The following LRFN2 variants were observed in gnomAD, a reference collection of about 807,000 sequenced individuals.
LRFN2 encodes leucine rich repeat and fibronectin type III domain containing 2.
A neutral mutation model predicts 37.3 loss-of-function variants in LRFN2; 18 were observed. That is an observed-to-expected ratio of 0.48 (90% CI 0.33 to 0.72). LRFN2 has a LOEUF of 0.72. LRFN2 is among the 30% of genes least tolerant of loss of function. The probability of loss-of-function intolerance (pLI) is 0.02; values close to 1 mark genes in which losing one functional copy is unlikely to be tolerated. For synonymous variants in LRFN2, 556 were observed against 466.6 expected, an observed-to-expected ratio of 1.19 and a Z score of -2.47; for missense variants, 1,006 against 1,060.7, an observed-to-expected ratio of 0.95 and a Z score of 0.72.
intron 1 of LRFN2, among the ~76,000 whole-genome samples, chr6:40,490,326 C>T (rs1441811055): frequency 6.6e-6 from 1 of 152,188 alleles, no homozygotes; most frequent in East Asian, 1.9e-4. Context: ...CGTGTCCATG[C>T]CTCAGGCCAC....
At chr6:40,429,782 C>T (rs1045046113) in intron 2 of LRFN2, among the ~76,000 whole-genome samples, 2 of 151,998 alleles carry the variant, frequency 1.3e-5, no homozygotes, top group Non-Finnish European at 2.9e-5. Flanking sequence ...AATGAGAAAC[C>T]ACCTGAATGT....
intron 1 of LRFN2, among the ~76,000 whole-genome samples, chr6:40,582,313 A>G (rs1460237985): frequency 2.0e-5 from 3 of 151,590 alleles, no homozygotes; most frequent in African/African-American, 7.3e-5. Context: ...AATATAGGAC[A>G]TGCCAATAAT....
chr6:40,524,465 G>T (rs554923439), intron 1 of LRFN2, among the ~76,000 whole-genome samples: 39 of 141,788 alleles, frequency 2.8e-4, no homozygotes, highest in Non-Finnish European at 4.7e-4. Context: ...ACACACCCCT[G>T]CAGCCCTCAT....
Position 40,432,512 on chromosome 6 carries a change from C to G in LRFN2, c.602G>C (p.Arg201Pro), listed in dbSNP as rs556509108. 1 of 1,614,196 alleles carries G rather than the reference C, an allele frequency of 6.2e-7. No individual in the cohort carries two copies. The highest frequency in any genetic ancestry group is 8.5e-7 in the Non-Finnish European group (1 of 1,180,034). The change falls in exon 2 of 3, where the codon CGC becomes CCC. Residue 201 changes from arginine (R) to proline (P), a missense_variant. Transcript: ENST00000338305. ...CAGCCGATTGGAGGTGAGATCCAGG[C>G]GGGCCAGTTTCTGCAGGTCTGCAAA... Reference protein sequence around the residue: ...GTFADLQKLARLDLTSNRLQK... With the variant: ...GTFADLQKLAPLDLTSNRLQK...
intron 1 of LRFN2, among the ~76,000 whole-genome samples, chr6:40,541,221 G>T (rs1165186624): frequency 1.3e-5 from 2 of 152,180 alleles, no homozygotes; most frequent in African/African-American, 4.8e-5. Context: ...GTTCTGTCCA[G>T]CCTGAACTCT....
At chr6:40,569,885 G>A (rs1767157288) in intron 1 of LRFN2, among the ~76,000 whole-genome samples, 1 of 151,894 alleles carries the variant, frequency 6.6e-6, no homozygotes, top group Admixed American at 6.6e-5. Context: ...GCCGTCTCAG[G>A]TCCGGCCCTG....
At chr6:40,394,727 G>T (rs1762578587) in intron 2 of LRFN2, among the ~76,000 whole-genome samples, 1 of 152,090 alleles carries the variant, frequency 6.6e-6, no homozygotes, top group Admixed American at 6.5e-5. Flanking sequence ...GTTGTGGGAG[G>T]GACCTGGTGG....
chr6:40,485,134 G>C (rs1015572943), intron 1 of LRFN2, among the ~76,000 whole-genome samples: 1 of 152,144 alleles, frequency 6.6e-6, no homozygotes, highest in African/African-American at 2.4e-5. Context: ...TGTTTTTCAG[G>C]GAGGTCATGT....
intron 1 of LRFN2, among the ~76,000 whole-genome samples, chr6:40,490,038 C>T (rs1028858245): frequency 6.6e-6 from 1 of 152,128 alleles, no homozygotes; most frequent in African/African-American, 2.4e-5. Context: ...GCCTGGAGCC[C>T]GGAGCCCAGC....
chr6:40,547,790 A>G (rs1190508010), intron 1 of LRFN2, among the ~76,000 whole-genome samples: 2 of 152,092 alleles, frequency 1.3e-5, no homozygotes, highest in Non-Finnish European at 2.9e-5. Flanking sequence ...TACTGCTCAC[A>G]TATTCTCTGG....
intron 1 of LRFN2, among the ~76,000 whole-genome samples, chr6:40,484,247 C>A (rs1055299217): frequency 3.9e-5 from 6 of 152,166 alleles, no homozygotes; most frequent in Non-Finnish European, 8.8e-5. Context: ...GAGTGTGGTG[C>A]CGATCCAGGA....
At chr6:40,518,467 G>A (rs1315760796) in intron 1 of LRFN2, among the ~76,000 whole-genome samples, 1 of 152,160 alleles carries the variant, frequency 6.6e-6, no homozygotes, top group East Asian at 1.9e-4. Context: ...AGGTCTGGTT[G>A]CAGACCTGCA....
intron 1 of LRFN2, among the ~76,000 whole-genome samples, chr6:40,479,220 A>G (rs1764771812): frequency 6.6e-6 from 1 of 152,190 alleles, no homozygotes; most frequent in Admixed American, 6.5e-5. Flanking sequence ...TATCACCATC[A>G]TCTTCATCAC....
chr6:40,480,838 G>A (rs564224042), intron 1 of LRFN2, among the ~76,000 whole-genome samples: 12 of 152,284 alleles, frequency 7.9e-5, no homozygotes, highest in South Asian at 6.2e-4. Flanking sequence ...TTAAATGGTA[G>A]CTATTATTTG....
chr6:40,514,984 C>A (rs1765821136), intron 1 of LRFN2, among the ~76,000 whole-genome samples: 2 of 152,250 alleles, frequency 1.3e-5, no homozygotes, highest in Non-Finnish European at 2.9e-5. Flanking sequence ...ACCTGGGCAG[C>A]TCCCAGACTG....
At chr6:40,488,226 G>A (rs1341541865) in intron 1 of LRFN2, among the ~76,000 whole-genome samples, 1 of 152,092 alleles carries the variant, frequency 6.6e-6, no homozygotes, top group Non-Finnish European at 1.5e-5. Context: ...TTTACACCAG[G>A]GAATGGGTGG....
intron 1 of LRFN2, among the ~76,000 whole-genome samples, chr6:40,505,073 C>T (rs1194795904): frequency 2.0e-5 from 3 of 152,176 alleles, no homozygotes; most frequent in Admixed American, 6.5e-5. Context: ...GACAGTTGCC[C>T]GTGGCCTCGG....
At chr6:40,522,072 T>C (rs557838842) in intron 1 of LRFN2, among the ~76,000 whole-genome samples, 39 of 152,246 alleles carry the variant, frequency 2.6e-4, no homozygotes, top group African/African-American at 8.9e-4. Context: ...GGATGGGTCC[T>C]CACAGAGCCA....
At chr6:40,501,751 C>T (rs1325189266) in intron 1 of LRFN2, 1 of 152,148 alleles carries the variant, frequency 6.6e-6, no homozygotes, top group Non-Finnish European at 1.5e-5. Flanking sequence ...AATACACTGG[C>T]TTGGATGTCT....
Sources: allele counts gnomAD v4.1 joint callset (sites outside exome capture counted in the v4.1 genomes callset), GRCh38; gene constraint gnomAD v4.1.1; transcripts MANE v1.5; gene names NCBI Gene and HGNC (gene_info 2026-07-23, HGNC 2026-07-21).